Variants in DPYD observed in about 807,000 individuals in gnomAD.
DPYD encodes dihydropyrimidine dehydrogenase [NADP(+)].
Under a neutral mutation model 116.2 loss-of-function variants are expected in DPYD, and 109 were observed. The observed-to-expected ratio is 0.94, with a 90% CI of 0.80 to 1.10. DPYD has a LOEUF of 1.10. Among genes scored for constraint, DPYD ranks in the 50% least tolerant of loss-of-function variants. The pLI is 0.00. For synonymous variants in DPYD, 440 were observed against 432.0 expected, an observed-to-expected ratio of 1.02 and a Z score of -0.23; for missense variants, 1,302 against 1,254.5, an observed-to-expected ratio of 1.04 and a Z score of -0.57.
intron 16 of DPYD, among the ~76,000 whole-genome samples, chr1:97,363,329 T>C (rs918413863): frequency 4.6e-5 from 7 of 152,174 alleles, no homozygotes; most frequent in Admixed American, 1.3e-4. Context: ...TGTGGAGGAA[T>C]AGGAATGCCT....
chr1:97,497,888 A>G (rs1252501932), intron 13 of DPYD, among the ~76,000 whole-genome samples: 1 of 151,818 alleles, frequency 6.6e-6, no homozygotes, highest in Non-Finnish European at 1.5e-5. Context: ...ATATGAATGA[A>G]GAAATATTTA....
intron 3 of DPYD, among the ~76,000 whole-genome samples, chr1:97,807,523 A>G (rs1184914754): frequency 3.9e-5 from 6 of 151,946 alleles, no homozygotes; most frequent in Non-Finnish European, 8.8e-5. Flanking sequence ...GCTTCTTTTT[A>G]TATTTTTATG....
intron 4 of DPYD, among the ~76,000 whole-genome samples, chr1:97,731,560 C>A (rs1663613236): frequency 1.3e-5 from 2 of 151,984 alleles, no homozygotes; most frequent in Non-Finnish European, 1.5e-5. Flanking sequence ...ATTTCATAAT[C>A]TGCATACTTT....
chr1:97,146,470 T>A (rs2101707587), intron 20 of DPYD, among the ~76,000 whole-genome samples: 1 of 152,332 alleles, frequency 6.6e-6, no homozygotes, highest in Non-Finnish European at 1.5e-5. Flanking sequence ...CCAAAGGCCA[T>A]ACAATACATC....
intron 20 of DPYD, among the ~76,000 whole-genome samples, chr1:97,131,183 A>C (rs1005970799): frequency 6.6e-6 from 1 of 152,130 alleles, no homozygotes; most frequent in Admixed American, 6.6e-5. Flanking sequence ...GTCAGAGGTA[A>C]CTAGTCATTT....
chr1:97,244,196 A>G (rs575059322), intron 18 of DPYD, among the ~76,000 whole-genome samples: 3 of 152,050 alleles, frequency 2.0e-5, no homozygotes, highest in Admixed American at 1.3e-4. Context: ...CATTTTCAAT[A>G]CTGTCATCTT....
At chr1:97,212,208 T>C (rs1317376450) in intron 19 of DPYD, among the ~76,000 whole-genome samples, 1 of 152,134 alleles carries the variant, frequency 6.6e-6, no homozygotes, top group Admixed American at 6.6e-5. Context: ...CTTGCATCCT[T>C]TAGCAGCCAC....
At chr1:97,322,140 C>A (rs55700077) in intron 16 of DPYD, among the ~76,000 whole-genome samples, 2 of 136,912 alleles carry the variant, frequency 1.5e-5, no homozygotes, top group African/African-American at 2.7e-5. Flanking sequence ...TGCTAGATGA[C>A]GCGTTAGTGG....
At chr1:97,800,466 G>A (rs190746647) in intron 3 of DPYD, among the ~76,000 whole-genome samples, 10 of 151,918 alleles carry the variant, frequency 6.6e-5, no homozygotes, top group African/African-American at 1.9e-4. Flanking sequence ...GTCACAGATC[G>A]AGCTCTCAAC....
chr1:97,228,278 G>A (rs1283535362), intron 19 of DPYD, among the ~76,000 whole-genome samples: 1 of 151,878 alleles, frequency 6.6e-6, no homozygotes, highest in African/African-American at 2.4e-5. Flanking sequence ...AAGCAATAAA[G>A]AAGGTATGCG....
chr1:97,098,787 C>G (rs552437676), intron 20 of DPYD, among the ~76,000 whole-genome samples, 155 bp from the exon 21 acceptor site: 5 of 152,078 alleles, frequency 3.3e-5, no homozygotes, highest in Non-Finnish European at 5.9e-5. Context: ...TTTTGGACCA[C>G]TAGTCTTCTC....
At chr1:97,196,605 T>A (rs1035950056) in intron 19 of DPYD, among the ~76,000 whole-genome samples, 1 of 152,170 alleles carries the variant, frequency 6.6e-6, no homozygotes, top group African/African-American at 2.4e-5. Context: ...GCCAGGCACT[T>A]TGTTAGCACT....
chr1:97,875,617 G>A (rs1671873177), intron 2 of DPYD, among the ~76,000 whole-genome samples: 1 of 151,920 alleles, frequency 6.6e-6, no homozygotes, highest in African/African-American at 2.4e-5. Context: ...GTGTAAATGA[G>A]CTTTATACTC....
chr1:97,253,777 A>T (rs779764691), intron 18 of DPYD, among the ~76,000 whole-genome samples: 2 of 152,120 alleles, frequency 1.3e-5, no homozygotes, highest in Non-Finnish European at 2.9e-5. Flanking sequence ...TAAAATCATT[A>T]AAAAATAAAC....
chr1:97,244,178 A>T (rs941545169), intron 18 of DPYD, among the ~76,000 whole-genome samples: 1 of 152,030 alleles, frequency 6.6e-6, no homozygotes, highest in African/African-American at 2.4e-5. Context: ...TAAACAACTC[A>T]TTAGTAGCAT....
chr1:97,601,415 G>A (rs1011721580), intron 8 of DPYD, among the ~76,000 whole-genome samples: 2 of 151,902 alleles, frequency 1.3e-5, no homozygotes, highest in African/African-American at 4.8e-5. Context: ...CCATTTGGGT[G>A]GCTGTATACA....
At chr1:97,854,129 TTTAA>T (rs540669694) in intron 2 of DPYD, among the ~76,000 whole-genome samples, 41 of 152,326 alleles carry the variant, frequency 2.7e-4, no homozygotes, top group African/African-American at 9.9e-4. Context: ...ATTCATATTA[TTTAA>T]TTGTTTGCCT....
At chr1:97,657,053 T>C (rs1658958915) in intron 8 of DPYD, among the ~76,000 whole-genome samples, 1 of 150,488 alleles carries the variant, frequency 6.6e-6, no homozygotes, top group East Asian at 2.0e-4. Flanking sequence ...CCACAACCTC[T>C]ATCTACCAGG....
At chr1:97,794,516 T>A (rs1245072696) in intron 3 of DPYD, among the ~76,000 whole-genome samples, 1 of 152,224 alleles carries the variant, frequency 6.6e-6, no homozygotes, top group Admixed American at 6.5e-5. Context: ...TCATAGATGT[T>A]TACAGTTAAC....
Sources: gnomAD v4.1 joint callset for allele counts (sites outside exome capture counted in the v4.1 genomes callset) on GRCh38, gnomAD v4.1.1 for gene constraint, MANE v1.5 for transcripts, NCBI Gene and HGNC (gene_info 2026-07-23, HGNC 2026-07-21) for gene names.